Variants in AGPAT4 observed in about 807,000 individuals in gnomAD.
AGPAT4 encodes the protein 1-acylglycerol-3-phosphate O-acyltransferase 4.
A neutral mutation model predicts 48.0 loss-of-function variants in AGPAT4; 15 were observed. That is an observed-to-expected ratio of 0.31 (90% CI 0.21 to 0.48). AGPAT4 has a LOEUF of 0.48. Among genes scored for constraint, AGPAT4 ranks in the 20% least tolerant of loss-of-function variants. AGPAT4 has a pLI of 0.99. For missense variants in AGPAT4, 314 were observed against 482.5 expected (o/e 0.65, Z 3.27); for synonymous variants, 178 against 198.7 (o/e 0.90, Z 0.88).
intron 1 of AGPAT4, among the ~76,000 whole-genome samples, chr6:161,269,267 C>A (rs1479139309): frequency 6.6e-6 from 1 of 152,100 alleles, no homozygotes; most frequent in Non-Finnish European, 1.5e-5. Context: ...GTTAGAAATT[C>A]CACTCTTCCC....
At chr6:161,268,594 A>C (rs111474409) in intron 1 of AGPAT4, among the ~76,000 whole-genome samples, 52 of 152,318 alleles carry the variant, frequency 3.4e-4, no homozygotes, top group African/African-American at 1.1e-3. Flanking sequence ...AATGACCATG[A>C]AGTAGTTATG....
rs1779189519 is a variant in AGPAT4 at position 161,139,745 on chromosome 6, G to A, written c.844-125C>T. The A allele has an allele frequency of 1.3e-6, 1 of 776,748 alleles. No homozygotes were observed. The highest frequency in any genetic ancestry group is 2.7e-5 in the Admixed American group (1 of 36,960). The allele number at this position is 776,748 out of a possible 1,614,324, so 48.1% of individuals were successfully genotyped here. On this transcript the variant is annotated intron_variant, in intron 7 of 8. Transcript: ENST00000320285. This position sits in a 1 kb window ranked among gnomAD's most constrained non-coding sequence, Gnocchi z 9.1. ...GCCACCGGGGCTCGGCAGAACTGGG[G>A]TCTGCAGCTCCTTCCAGAAAGCACT...
At chr6:161,265,847 C>T (rs540075793) in intron 1 of AGPAT4, among the ~76,000 whole-genome samples, 1 of 152,246 alleles carries the variant, frequency 6.6e-6, no homozygotes, top group African/African-American at 2.4e-5. Context: ...GCAGAAAGCA[C>T]TAAATATTTG....
Position 161,139,355 on chromosome 6 carries a change from C to G in AGPAT4, c.1042+67G>C. ...CTGCCTATACAGATGGCCTTCGTCC[C>G]AGCCCTGATGCCACCTCTCCCAGGG... On this transcript the variant is annotated intron_variant, in intron 8 of 8. Coordinates refer to ENST00000320285, the MANE Select transcript of AGPAT4 (RefSeq NM_020133.3). This position sits in a 1 kb window ranked among gnomAD's most constrained non-coding sequence, Gnocchi z 9.1. 1 of 1,568,320 alleles carries G rather than the reference C, an allele frequency of 6.4e-7. No homozygotes were observed. Among genetic ancestry groups the G allele is most frequent in the Non-Finnish European group, 8.7e-7 (1 of 1,146,698 alleles).
rs1051924782 is a variant in AGPAT4 at position 161,225,891 on chromosome 6, G to A, written c.178+6145C>T. ...CAGAAGGAGGCCTAGGCGGGTCTGA[G>A]AGGCTTTAAATTCCCTTCATCATGG... On this transcript the variant is annotated intron_variant, in intron 2 of 8. Coordinates refer to ENST00000320285, the MANE Select transcript of AGPAT4 (RefSeq NM_020133.3). The surrounding 1 kb of genome is among the most constrained non-coding windows in gnomAD (Gnocchi z 5.0). Among the ~76,000 whole-genome samples the A allele has an allele frequency of 3.9e-5, 6 of 152,214 alleles. No individual in the cohort carries two copies. The highest frequency in any genetic ancestry group is 3.3e-4 in the Admixed American group (5 of 15,290).
chr6:161,237,837 G>A (rs1457225098), intron 1 of AGPAT4, among the ~76,000 whole-genome samples: 3 of 152,104 alleles, frequency 2.0e-5, no homozygotes, highest in Admixed American at 6.5e-5. Context: ...TGAAGGTTAG[G>A]TGTGGGCAGA....
rs1193495119 is a variant in AGPAT4, at chr6:161,246,338, A to G, written c.-89-14036T>C. ...GCTACCCGTTCATTCATTCAGCTAAAAATTCATTGATTCATATTTAAGTTC... is the reference window on the plus strand; with the variant it reads ...GCTACCCGTTCATTCATTCAGCTAAGAATTCATTGATTCATATTTAAGTTC... On this transcript the variant is annotated intron_variant, in intron 1 of 8. Coordinates refer to ENST00000320285, the MANE Select transcript of AGPAT4 (RefSeq NM_020133.3). This position sits in a 1 kb window ranked among gnomAD's most constrained non-coding sequence, Gnocchi z 5.5. 6.6e-6 allele frequency among the ~76,000 whole-genome samples: 1 copy of G among 152,206 alleles called. No homozygotes were observed. Among genetic ancestry groups the G allele is most frequent in the Non-Finnish European group, 1.5e-5 (1 of 68,046 alleles).
In AGPAT4 at chr6:161,149,755, T is replaced by G. The variant is rs1393882432; in HGVS notation, c.665-466A>C. ...CAGGGATTCACCATGTTGGTCAGAC[T>G]GGTCTTGAACTCCTGACCTCAAGTG... On this transcript the variant is annotated intron_variant, in intron 5 of 8. Coordinates refer to ENST00000320285, the MANE Select transcript of AGPAT4 (RefSeq NM_020133.3). This position sits in a 1 kb window ranked among gnomAD's most constrained non-coding sequence, Gnocchi z 6.5. 2.0e-5 allele frequency among the ~76,000 whole-genome samples: 3 copies of G among 152,170 alleles called. No homozygotes were observed. Among genetic ancestry groups the G allele is most frequent in the Non-Finnish European group, 2.9e-5 (2 of 68,028 alleles).
chr6:161,176,941 C>A (rs925921075), intron 2 of AGPAT4, among the ~76,000 whole-genome samples: 1 of 152,090 alleles, frequency 6.6e-6, no homozygotes, highest in Non-Finnish European at 1.5e-5. Context: ...GTTGAAAATT[C>A]TTTTCTTTAA....
At chr6:161,145,052 A>T (rs1274705494) in intron 7 of AGPAT4, among the ~76,000 whole-genome samples, 2 of 151,750 alleles carry the variant, frequency 1.3e-5, no homozygotes, top group Admixed American at 1.3e-4. Flanking sequence ...AGAGCAAGAA[A>T]AATACTGCCT....
chr6:161,184,713 C>T lies in AGPAT4; in HGVS notation c.179-18296G>A, dbSNP rs866499793. ...TCAGTCATCAGGGACAGTTTACCTG[C>T]CAGGTTTCCACCCATCTGGGCACTT... On this transcript the variant is annotated intron_variant, in intron 2 of 8. Coordinates refer to ENST00000320285, the MANE Select transcript of AGPAT4 (RefSeq NM_020133.3). The surrounding 1 kb of genome is among the most constrained non-coding windows in gnomAD (Gnocchi z 4.8). Among the ~76,000 whole-genome samples the T allele has an allele frequency of 2.0e-5, 3 of 152,136 alleles. No homozygotes were observed. Among genetic ancestry groups the T allele is most frequent in the South Asian group, 2.1e-4 (1 of 4,828 alleles).
chr6:161,216,983 C>T lies in AGPAT4; in HGVS notation c.178+15053G>A, dbSNP rs867515742. 3.9e-5 allele frequency among the ~76,000 whole-genome samples: 6 copies of T among 152,246 alleles called. No individual in the cohort carries two copies. The highest frequency in any genetic ancestry group is 2.1e-4 in the South Asian group (1 of 4,820). ...TTTGACTTTCCCCTCACACGTGGCT[C>T]TGATTCACCTTTGCTCACCTGCTGA... is the stretch of plus-strand genomic sequence containing the variant. On this transcript the variant is annotated intron_variant, in intron 2 of 8. Coordinates refer to ENST00000320285, the MANE Select transcript of AGPAT4 (RefSeq NM_020133.3). The surrounding 1 kb of genome is among the most constrained non-coding windows in gnomAD (Gnocchi z 4.8).
At position 161,141,061 on chromosome 6, in the gene AGPAT4, T is replaced by C. The variant is rs1481417249; in HGVS notation, c.844-1441A>G. ...AAAAGTCTAAAGTATCTCATACTTTTCTTCTTTTTCATTCAGGGTGTACTG... is the reference window on the plus strand; with the variant it reads ...AAAAGTCTAAAGTATCTCATACTTTCCTTCTTTTTCATTCAGGGTGTACTG... On this transcript the variant is annotated intron_variant, in intron 7 of 8. Coordinates refer to ENST00000320285, the MANE Select transcript of AGPAT4 (RefSeq NM_020133.3). The surrounding 1 kb of genome is among the most constrained non-coding windows in gnomAD (Gnocchi z 6.7). 6.6e-6 allele frequency among the ~76,000 whole-genome samples: 1 copy of C among 152,186 alleles called. No homozygotes were observed.
intron 1 of AGPAT4, among the ~76,000 whole-genome samples, 163 bp downstream of exon 1, chr6:161,273,775 T>A (rs1783505300): frequency 7.7e-6 from 1 of 130,018 alleles, no homozygotes; most frequent in Non-Finnish European, 1.6e-5. Flanking sequence ...CCTGCACCTT[T>A]CCCCCGCCCG....
Position 161,138,910 on chromosome 6 carries a change from T to C in AGPAT4, c.1042+512A>G, listed in dbSNP as rs1779161766. On this transcript the variant is annotated intron_variant, in intron 8 of 8. Coordinates refer to ENST00000320285, the MANE Select transcript of AGPAT4 (RefSeq NM_020133.3). The surrounding 1 kb of genome is among the most constrained non-coding windows in gnomAD (Gnocchi z 4.8). ...CCAAGAAGCAGCAGTAGCCCGAGAA[T>C]ACCGGTCACCTGGAGCCAGCGCAGA... is the stretch of plus-strand genomic sequence containing the variant. 6.6e-6 allele frequency among the ~76,000 whole-genome samples: 1 copy of C among 151,822 alleles called. No individual in the cohort carries two copies. The highest frequency in any genetic ancestry group is 1.5e-5 in the Non-Finnish European group (1 of 67,956).
At chr6:161,182,512 C>T (rs1487617316) in intron 2 of AGPAT4, among the ~76,000 whole-genome samples, 1 of 151,212 alleles carries the variant, frequency 6.6e-6, no homozygotes, top group Non-Finnish European at 1.5e-5. Flanking sequence ...CTCACCCCAG[C>T]CCTGCAACCC....
chr6:161,223,573 G>T lies in AGPAT4; in HGVS notation c.178+8463C>A, dbSNP rs777238895. Reference sequence around the variant, plus strand: ...ACAATGCTTAATACATAATCAACACGTGACAAATGTAGCGAGTGTAATGAC... The same window carrying T: ...ACAATGCTTAATACATAATCAACACTTGACAAATGTAGCGAGTGTAATGAC... On this transcript the variant is annotated intron_variant, in intron 2 of 8. Coordinates refer to ENST00000320285, the MANE Select transcript of AGPAT4 (RefSeq NM_020133.3). This position sits in a 1 kb window ranked among gnomAD's most constrained non-coding sequence, Gnocchi z 6.3. Among the ~76,000 whole-genome samples, 3 of 152,176 alleles carry T rather than the reference G, an allele frequency of 2.0e-5. No homozygotes were observed. The highest frequency in any genetic ancestry group is 7.2e-5 in the African/African-American group (3 of 41,452).
Position 161,177,635 on chromosome 6 carries a change from A to G in AGPAT4, c.179-11218T>C, listed in dbSNP as rs1016553301. ...AAGTTTGTTATTACTGATCGTCTGA[A>G]GCCTTCTTTTCTCAACATGTCAAAG... is the stretch of plus-strand genomic sequence containing the variant. On this transcript the variant is annotated intron_variant, in intron 2 of 8. Transcript: ENST00000320285. This position sits in a 1 kb window ranked among gnomAD's most constrained non-coding sequence, Gnocchi z 5.0. 1.3e-5 allele frequency among the ~76,000 whole-genome samples: 2 copies of G among 152,120 alleles called. No individual in the cohort carries two copies. The highest frequency in any genetic ancestry group is 4.8e-5 in the African/African-American group (2 of 41,418).
chr6:161,187,477 AGTTAAGGATGGTATG>A (rs1218585697), intron 2 of AGPAT4, among the ~76,000 whole-genome samples: 1 of 152,156 alleles, frequency 6.6e-6, no homozygotes, highest in African/African-American at 2.4e-5. Flanking sequence ...AGCAAAAATC[AGTTAAGGATGGTATG>A]GTCCTGAAGC....
Sources: gnomAD v4.1 joint callset for allele counts (sites outside exome capture counted in the v4.1 genomes callset) on GRCh38, gnomAD v4.1.1 for gene constraint, Gnocchi (gnomAD v3.1) non-coding constraint, MANE v1.5 for transcripts, NCBI Gene and HGNC (gene_info 2026-07-23, HGNC 2026-07-21) for gene names.